AUTS2: variants seen among roughly 807,000 people sequenced by gnomAD.
The protein encoded by AUTS2 is activator of transcription and developmental regulator AUTS2, also known as autism susceptibility gene 2 protein.
In AUTS2, 17 loss-of-function variants were observed where a neutral mutation model predicts 112.4. The ratio of observed to expected loss-of-function variants is 0.15; its 90% CI spans 0.10 to 0.23. The LOEUF (loss-of-function observed/expected upper bound fraction) is 0.23, where lower values mean the gene tolerates loss of function less well. AUTS2 is among the 10% of genes least tolerant of loss of function. The probability of loss-of-function intolerance (pLI) is 1.00; values close to 1 mark genes in which losing one functional copy is unlikely to be tolerated. For missense variants in AUTS2, 1,510 were observed against 1,701.6 expected, an observed-to-expected ratio of 0.89 and a Z score of 1.98; for synonymous variants, 751 against 702.7, an observed-to-expected ratio of 1.07 and a Z score of -1.09.
At chr7:70,453,889 G>A (rs1042179841) in intron 5 of AUTS2, among the ~76,000 whole-genome samples, 5 of 152,168 alleles carry the variant, frequency 3.3e-5, no homozygotes, top group African/African-American at 4.8e-5. Context: ...ACATTTGCGG[G>A]CCTTACAAAA....
intron 4 of AUTS2, among the ~76,000 whole-genome samples, chr7:70,144,572 C>T (rs2129575686): frequency 6.6e-6 from 1 of 152,182 alleles, no homozygotes; most frequent in Admixed American, 6.6e-5. Flanking sequence ...CTAAATTGCC[C>T]ACTTTACTAA....
chr7:69,643,953 T>C (rs1461983373), intron 1 of AUTS2, among the ~76,000 whole-genome samples: 1 of 152,112 alleles, frequency 6.6e-6, no homozygotes, highest in African/African-American at 2.4e-5. Context: ...TAAATAAATA[T>C]GTGTGTACAG....
intron 4 of AUTS2, among the ~76,000 whole-genome samples, chr7:70,263,754 C>T (rs1787279431): frequency 6.6e-6 from 1 of 152,174 alleles, no homozygotes; most frequent in Admixed American, 6.5e-5. Context: ...TTTGATTCTT[C>T]CCAGAACTGT....
intron 1 of AUTS2, among the ~76,000 whole-genome samples, chr7:69,855,515 T>C (rs1792680977): frequency 6.6e-6 from 1 of 152,240 alleles, no homozygotes; most frequent in Non-Finnish European, 1.5e-5. Flanking sequence ...TTTTATCATT[T>C]CATTATAGTC....
At chr7:70,620,880 G>A (rs1173503314) in intron 5 of AUTS2, among the ~76,000 whole-genome samples, 1 of 152,068 alleles carries the variant, frequency 6.6e-6, no homozygotes, top group Non-Finnish European at 1.5e-5. Flanking sequence ...GGGAAACTGG[G>A]ACGTTTTGGA....
At chr7:69,728,172 G>T (rs188744217) in intron 1 of AUTS2, among the ~76,000 whole-genome samples, 67 of 152,304 alleles carry the variant, frequency 4.4e-4, no homozygotes, top group African/African-American at 1.5e-3. Flanking sequence ...AAGAGAAGGA[G>T]CAGGAGTGAG....
Position 69,782,931 on chromosome 7 carries a change from T to G in AUTS2, c.310-116355T>G, listed in dbSNP as rs951327587. ...ATTCTAGTTGTTTGGATTTGTTGTGTATTGACATTGACTTAGATATTCTCC... is the reference window on the plus strand; with the variant it reads ...ATTCTAGTTGTTTGGATTTGTTGTGGATTGACATTGACTTAGATATTCTCC... On this transcript the variant is annotated intron_variant, in intron 1 of 18. Coordinates refer to ENST00000342771, the MANE Select transcript of AUTS2 (RefSeq NM_015570.4). 7.9e-4 allele frequency among the ~76,000 whole-genome samples: 120 copies of G among 152,234 alleles called. 1 individual carries two copies. Among genetic ancestry groups the G allele is most frequent in the African/African-American group, 2.8e-3 (118 of 41,544 alleles).
intron 2 of AUTS2, among the ~76,000 whole-genome samples, chr7:70,098,398 T>C (rs1804309293): frequency 6.6e-6 from 1 of 152,216 alleles, no homozygotes; most frequent in African/African-American, 2.4e-5. Context: ...TCTTCTCTCA[T>C]TGCTGCCCTT....
chr7:70,225,832 C>A (rs1260099610), intron 4 of AUTS2, among the ~76,000 whole-genome samples: 1 of 152,018 alleles, frequency 6.6e-6, no homozygotes, highest in Non-Finnish European at 1.5e-5. Flanking sequence ...CATGTAATTT[C>A]TTTTCTCAAT....
At position 70,786,053 on chromosome 7, in the gene AUTS2, CTT is replaced by C; in HGVS notation, c.2308+18_2308+19del. ...TCCTTCCGTTAGTGAGTACCTCTAA[CTT>C]TTAAAAATCTGCCTTGGACTTTTTA... On this transcript the variant is annotated intron_variant, in intron 17 of 18. Transcript: ENST00000342771. 6.2e-7 allele frequency: 1 copy of C among 1,610,264 alleles called. No individual in the cohort carries two copies. Among genetic ancestry groups the C allele is most frequent in the Non-Finnish European group, 8.5e-7 (1 of 1,176,570 alleles).
intron 1 of AUTS2, among the ~76,000 whole-genome samples, chr7:69,811,779 T>C (rs574521074): frequency 6.6e-6 from 1 of 152,338 alleles, no homozygotes; most frequent in South Asian, 2.1e-4. Flanking sequence ...TTTGCTTCTA[T>C]TATAGCTCTT....
intron 5 of AUTS2, among the ~76,000 whole-genome samples, chr7:70,450,219 G>C (rs1796475095): frequency 6.6e-6 from 1 of 152,158 alleles, no homozygotes; most frequent in Non-Finnish European, 1.5e-5. Flanking sequence ...AGAAGACAAA[G>C]ACATAGAAAA....
intron 2 of AUTS2, among the ~76,000 whole-genome samples, chr7:70,072,710 A>C (rs1187560559): frequency 6.6e-6 from 1 of 152,164 alleles, no homozygotes; most frequent in East Asian, 1.9e-4. Flanking sequence ...CTGTTGTGTA[A>C]TGAGCGTTTC....
intron 5 of AUTS2, among the ~76,000 whole-genome samples, chr7:70,665,051 C>T (rs117334470): frequency 0.044 from 6,735 of 151,982 alleles, 266 homozygotes; most frequent in Middle Eastern, 0.13. Context: ...CCAGCCTGAG[C>T]GACAGAGAGA....
At chr7:69,806,047 G>T (rs949389105) in intron 1 of AUTS2, among the ~76,000 whole-genome samples, 1 of 151,674 alleles carries the variant, frequency 6.6e-6, no homozygotes, top group Non-Finnish European at 1.5e-5. Flanking sequence ...CTATAGGCAC[G>T]TGACACCACA....
chr7:69,926,662 G>T (rs1796027760), intron 2 of AUTS2, among the ~76,000 whole-genome samples: 1 of 151,060 alleles, frequency 6.6e-6, no homozygotes, highest in South Asian at 2.1e-4. Context: ...CCTTGAGAAT[G>T]AATAAAGTAT....
In AUTS2 at chr7:70,052,474, T is replaced by C. The variant is rs1409713060; in HGVS notation, c.523-65658T>C. 2.0e-5 allele frequency among the ~76,000 whole-genome samples: 3 copies of C among 152,312 alleles called. No homozygotes were observed. In the East Asian group the frequency reaches 5.8e-4, roughly 29 times the overall value. ...AAGCTTAGAGAGATTTTCCCAGTCA[T>C]ATATATTCACGGTTCCTGGATACAG... On this transcript the variant is annotated intron_variant, in intron 2 of 18. Coordinates refer to ENST00000342771, the MANE Select transcript of AUTS2 (RefSeq NM_015570.4).
chr7:70,424,716 A>G (rs776206912), intron 4 of AUTS2, among the ~76,000 whole-genome samples: 11 of 152,116 alleles, frequency 7.2e-5, no homozygotes, highest in Admixed American at 3.3e-4. Context: ...CCTCCCAGGT[A>G]GCTGGGACCA....
intron 5 of AUTS2, among the ~76,000 whole-genome samples, chr7:70,545,090 T>A (rs1800716980): frequency 1.3e-5 from 2 of 152,210 alleles, no homozygotes; most frequent in Non-Finnish European, 2.9e-5. Context: ...CGGGAAACAG[T>A]ATTTCAAAAT....
Sources: gnomAD v4.1 joint callset for allele counts (sites outside exome capture counted in the v4.1 genomes callset) on GRCh38, gnomAD v4.1.1 for gene constraint, MANE v1.5 for transcripts, NCBI Gene and HGNC (gene_info 2026-07-23, HGNC 2026-07-21) for gene names.